SLC12A7: variants seen among roughly 807,000 people sequenced by gnomAD.
The protein encoded by SLC12A7 is K-Cl cotransporter 4.
In SLC12A7, 100 loss-of-function variants were observed where a neutral mutation model predicts 120.6. That is an observed-to-expected ratio of 0.83 (90% CI 0.71 to 0.98). SLC12A7 has a LOEUF of 0.98. SLC12A7 is among the 50% of genes least tolerant of loss of function. The pLI is 0.00. For synonymous variants in SLC12A7, 760 were observed against 678.0 expected, an observed-to-expected ratio of 1.12 and a Z score of -1.88; for missense variants, 1,373 against 1,548.1, an observed-to-expected ratio of 0.89 and a Z score of 1.90.
At chr5:1,068,961 G>A (rs1262272768) in intron 17 of SLC12A7, among the ~76,000 whole-genome samples, 1 of 152,240 alleles carries the variant, frequency 6.6e-6, no homozygotes, top group African/African-American at 2.4e-5. Context: ...TTCCAACTCC[G>A]GGATTCCTCC....
upstream of SLC12A7, among the ~76,000 whole-genome samples, chr5:1,114,809 C>G (rs542987425): frequency 6.6e-6 from 1 of 152,124 alleles, no homozygotes; most frequent in Admixed American, 6.5e-5. Flanking sequence ...CTCCTCCGTC[C>G]GCAGTCGTTG....
intron 21 of SLC12A7, 86 bp downstream of exon 21, chr5:1,060,258 G>A: frequency 9.9e-7 from 1 of 1,009,444 alleles, no homozygotes; most frequent in Non-Finnish European, 1.6e-6. Flanking sequence ...ACCCTCGTGG[G>A]CTGCAGGAGG....
intron 5 of SLC12A7, among the ~76,000 whole-genome samples, chr5:1,087,696 G>A (rs1272390635): frequency 6.6e-6 from 1 of 152,238 alleles, no homozygotes. Context: ...TGAGGACCTG[G>A]TGCTGAGCAA....
At chr5:1,154,938 C>T in the SLC12A7 span, among the ~76,000 whole-genome samples, 1 of 152,232 alleles carries the variant, frequency 6.6e-6, no homozygotes, top group African/African-American at 2.4e-5. Flanking sequence ...GTCCTCGGGG[C>T]CCACGAGCTT....
At chr5:1,069,031 T>A (rs1737354299) in intron 17 of SLC12A7, among the ~76,000 whole-genome samples, 1 of 152,160 alleles carries the variant, frequency 6.6e-6, no homozygotes, top group Non-Finnish European at 1.5e-5. Context: ...ACCAGGACCG[T>A]GAACATCCCC....
intron 23 of SLC12A7, 67 bp downstream of exon 23, chr5:1,053,282 C>T (rs1213035669): frequency 5.8e-6 from 9 of 1,561,324 alleles, no homozygotes; most frequent in Non-Finnish European, 7.8e-6. Flanking sequence ...CCCACAAACC[C>T]AGGTCTTAGC....
Position 1,074,581 on chromosome 5 carries a change from G to A in SLC12A7, c.2058C>T (p.His686=), listed in dbSNP as rs12515358. The part of the protein sequence containing the change: ...ALLRVEHGPP[H]TKNWRPQVLV... The stretch of plus-strand genomic sequence containing the variant: ...GCGGTGCTCACCTCCAGTTCTTGGT[G>A]TGGGGGGGACCGTGCTCCACGCGCA... The change falls in exon 16 of 24, where the codon CAC becomes CAT. Residue 686 remains histidine (H), a synonymous_variant. Coordinates refer to ENST00000264930, the MANE Select transcript of SLC12A7 (RefSeq NM_006598.3). The A allele has an allele frequency of 0.032, 51,467 of 1,612,294 alleles. 1,011 individuals are homozygous for A. The highest frequency in any genetic ancestry group is 0.035 in the Non-Finnish European group (41,373 of 1,179,536).
chr5:1,056,386 G>A (rs1019726752), intron 22 of SLC12A7, among the ~76,000 whole-genome samples: 2 of 152,182 alleles, frequency 1.3e-5, no homozygotes, highest in Non-Finnish European at 2.9e-5. Flanking sequence ...AGAGGGGAGC[G>A]AAGGCAACAG....
intron 8 of SLC12A7, among the ~76,000 whole-genome samples, chr5:1,083,403 T>C (rs917496316): frequency 6.6e-6 from 1 of 152,148 alleles, no homozygotes; most frequent in African/African-American, 2.4e-5. Context: ...CAGAGAAGGA[T>C]ACACAGAGGG....
chr5:1,096,850 G>A (rs1366148802), intron 1 of SLC12A7, among the ~76,000 whole-genome samples: 10 of 109,086 alleles, frequency 9.2e-5, no homozygotes, highest in East Asian at 3.1e-4. Flanking sequence ...GGGAGGGAAG[G>A]AGGGAGGGAG....
chr5:1,118,529 GAC>G, the SLC12A7 span, among the ~76,000 whole-genome samples: 1 of 152,244 alleles, frequency 6.6e-6, no homozygotes, highest in South Asian at 2.1e-4. Flanking sequence ...GCCCTCGCCA[GAC>G]ACAGATGAGC....
At position 1,077,884 on chromosome 5, in the gene SLC12A7, T is replaced by C; in HGVS notation, c.1578A>G (p.Ala526=). The change falls in exon 12 of 24, where the codon GCA becomes GCG. Residue 526 remains alanine (A), a synonymous_variant. Transcript: ENST00000264930. The stretch of plus-strand genomic sequence containing the variant: ...GGGCAATGGCCTGCAGTAGGCGCGG[T>C]GCCCCCGTGAGGCTCTGCAGGCCGG... ...CGAGLQSLTG[A]PRLLQAIARD... The C allele has an allele frequency of 7.5e-6, 12 of 1,597,936 alleles. No homozygotes were observed. Among genetic ancestry groups the C allele is most frequent in the Non-Finnish European group, 1.0e-5 (12 of 1,173,124 alleles).
At chr5:1,082,370 CCG>C (rs1401626316) in intron 8 of SLC12A7, among the ~76,000 whole-genome samples, 119 of 143,632 alleles carry the variant, frequency 8.3e-4, no homozygotes, top group African/African-American at 2.6e-3. Flanking sequence ...TCCAGGCTTC[CCG>C]TCTCGGGTTC....
chr5:1,078,146 C>T (rs996600973), intron 11 of SLC12A7, 139 bp from the exon 12 acceptor site: 5 of 1,075,902 alleles, frequency 4.6e-6, no homozygotes, highest in Non-Finnish European at 6.5e-6. Flanking sequence ...CCTCCAGTCC[C>T]CGTTGGCTGA....
chr5:1,077,047 G>A (rs1402818819), intron 12 of SLC12A7, among the ~76,000 whole-genome samples: 1 of 118,184 alleles, frequency 8.5e-6, no homozygotes, highest in East Asian at 2.9e-4. Flanking sequence ...CAACCTGTGT[G>A]GCCCCAGCCT....
rs761021498 is a variant in SLC12A7 at position 1,078,685 on chromosome 5, G to A, written c.1454+16C>T. The stretch of plus-strand genomic sequence containing the variant: ...AGACTACAGGCTTTGCACGAAAACT[G>A]CAGGTGGAAACGTACTTATCTCGTA... On this transcript the variant is annotated intron_variant, in intron 11 of 23. Coordinates refer to ENST00000264930, the MANE Select transcript of SLC12A7 (RefSeq NM_006598.3). The A allele has an allele frequency of 6.2e-7, 1 of 1,607,600 alleles. No homozygotes were observed. The highest frequency in any genetic ancestry group is 8.5e-7 in the Non-Finnish European group (1 of 1,175,506).
rs776583742 is a variant in SLC12A7, at chr5:1,087,029, G to A, written c.549C>T (p.Gly183=). 2.0e-5 allele frequency: 33 copies of A among 1,610,430 alleles called. No homozygotes were observed. The highest frequency in any genetic ancestry group is 1.6e-4 in the African/African-American group (12 of 74,888). Residue 183 remains glycine (G), a synonymous_variant, in exon 6 of 24, where the codon GGC becomes GGT. Transcript: ENST00000264930. Reference sequence around the variant, plus strand: ...AGCGCGATATCATGTAGTAGGACCCGCCAGCTGCGGAGACAAAGGCGGCAG... The same window carrying A: ...AGCGCGATATCATGTAGTAGGACCCACCAGCTGCGGAGACAAAGGCGGCAG... The part of the protein sequence containing the change: ...AIATNGVVPA[G]GSYYMISRSL...
At position 1,055,413 on chromosome 5, in the gene SLC12A7, C is replaced by T. The variant is rs191608221; in HGVS notation, c.3027-1931G>A. On this transcript the variant is annotated intron_variant, in intron 22 of 23. Coordinates refer to ENST00000264930, the MANE Select transcript of SLC12A7 (RefSeq NM_006598.3). Reference sequence around the variant, plus strand: ...AACAGACATCCGTTAAGTGTGCTCCCGGGGACGTCACAGTAAGCCACGCAC... The same window carrying T: ...AACAGACATCCGTTAAGTGTGCTCCTGGGGACGTCACAGTAAGCCACGCAC... Among the ~76,000 whole-genome samples the T allele has an allele frequency of 4.1e-4, 62 of 152,324 alleles. No homozygotes were observed. In the East Asian group the frequency reaches 0.01, roughly 26 times the overall value.
At chr5:1,151,927 G>A in the SLC12A7 span, among the ~76,000 whole-genome samples, 2 of 152,176 alleles carry the variant, frequency 1.3e-5, no homozygotes, top group African/African-American at 4.8e-5. The surrounding 1 kb of genome is among the most constrained non-coding windows in gnomAD (Gnocchi z 6.2). Flanking sequence ...CTGGGACCCC[G>A]CTGAAACCGT....
Sources: allele counts gnomAD v4.1 joint callset (sites outside exome capture counted in the v4.1 genomes callset), GRCh38; gene constraint gnomAD v4.1.1; non-coding constraint Gnocchi (gnomAD v3.1); transcripts MANE v1.5; gene names NCBI Gene and HGNC (gene_info 2026-07-23, HGNC 2026-07-21).